Variants in HIP1 observed in about 807,000 individuals in gnomAD.
The protein encoded by HIP1 is huntingtin-interacting protein 1.
In HIP1, 65 loss-of-function variants were observed where a neutral mutation model predicts 147.6. That is an observed-to-expected ratio of 0.44 (90% confidence interval 0.36 to 0.54). The LOEUF (loss-of-function observed/expected upper bound fraction) is 0.54, where lower values mean the gene tolerates loss of function less well. Among genes scored for constraint, HIP1 ranks in the 20% least tolerant of loss-of-function variants. HIP1 has a pLI of 0.00. For synonymous variants in HIP1, 479 were observed against 504.0 expected (o/e 0.95, Z 0.67); for missense variants, 1,061 against 1,299.6 (o/e 0.82, Z 2.82).
At chr7:75,711,605 A>G (rs949771754) in intron 1 of HIP1, among the ~76,000 whole-genome samples, 1 of 152,154 alleles carries the variant, frequency 6.6e-6, no homozygotes, top group Non-Finnish European at 1.5e-5. Flanking sequence ...GCCATCCTAA[A>G]GTTTTTTACT....
intron 30 of HIP1, among the ~76,000 whole-genome samples, chr7:75,539,105 G>A (rs1179903688): frequency 6.6e-6 from 1 of 152,190 alleles, no homozygotes; most frequent in Non-Finnish European, 1.5e-5. Context: ...GTCTTAAAAG[G>A]TGACAACAAA....
chr7:75,702,851 GAAC>G (rs140583892), intron 1 of HIP1, among the ~76,000 whole-genome samples: 12,670 of 152,110 alleles, frequency 0.083, 727 homozygotes, highest in Middle Eastern at 0.16. Context: ...GAAATTTATA[GAAC>G]AACAACTCAC....
intron 1 of HIP1, among the ~76,000 whole-genome samples, chr7:75,715,237 A>C (rs935148820): frequency 1.3e-5 from 2 of 151,734 alleles, no homozygotes; most frequent in African/African-American, 4.8e-5. Flanking sequence ...CAAAAAATTA[A>C]AAACTTCGCT....
At chr7:75,677,882 G>A (rs899687827) in intron 1 of HIP1, among the ~76,000 whole-genome samples, 4 of 151,838 alleles carry the variant, frequency 2.6e-5, no homozygotes, top group African/African-American at 9.7e-5. Context: ...TGCTTGGTTG[G>A]TTCTATCACT....
chr7:75,703,851 T>C (rs1403691747), intron 1 of HIP1, among the ~76,000 whole-genome samples: 16 of 152,188 alleles, frequency 1.1e-4, no homozygotes, highest in African/African-American at 3.9e-4. Context: ...AAATCAGCTC[T>C]AAAGGACCAA....
At chr7:75,674,960 G>A (rs956389834) in intron 1 of HIP1, among the ~76,000 whole-genome samples, 26 of 151,980 alleles carry the variant, frequency 1.7e-4, no homozygotes, top group African/African-American at 5.5e-4. Context: ...TTTCTCAGAT[G>A]TGTGGACTAC....
intron 1 of HIP1, among the ~76,000 whole-genome samples, chr7:75,599,838 CTT>C (rs11322113): frequency 0.19 from 23,028 of 122,430 alleles, 1,410 homozygotes; most frequent in Middle Eastern, 0.27. Flanking sequence ...AAATCGTTAA[CTT>C]TTTTTTTTTT....
At chr7:75,558,086 C>T in intron 15 of HIP1, 81 bp downstream of exon 15, 1 of 1,154,698 alleles carries the variant, frequency 8.7e-7, no homozygotes, top group Non-Finnish European at 1.3e-6. Flanking sequence ...GTTGCTGGCC[C>T]CGGGGAAGCC....
At chr7:75,637,652 C>CCCAA (rs1798472077) in intron 1 of HIP1, among the ~76,000 whole-genome samples, 1 of 149,858 alleles carries the variant, frequency 6.7e-6, no homozygotes, top group African/African-American at 2.5e-5. Context: ...GCACTCACTG[C>CCCAA]CCAACCATGA....
intron 7 of HIP1, among the ~76,000 whole-genome samples, chr7:75,574,568 G>T (rs587633780): frequency 7.0e-6 from 1 of 143,356 alleles, no homozygotes; most frequent in Admixed American, 7.2e-5. Context: ...CAGCCTGGGT[G>T]ACAAGAGTAA....
intron 1 of HIP1, among the ~76,000 whole-genome samples, chr7:75,701,847 T>C (rs557793179): frequency 6.6e-6 from 1 of 152,248 alleles, no homozygotes; most frequent in Non-Finnish European, 1.5e-5. Flanking sequence ...AGTGAGACCC[T>C]ATTGCAACAA....
At position 75,537,043 on chromosome 7, in the gene HIP1, G is replaced by T; in HGVS notation, c.*1129C>A. The stretch of plus-strand genomic sequence containing the variant: ...GCAGACGTCTGCAGAAAGGAGTTGG[G>T]AATCACTCCCACACTCCGTCTCTGG... On this transcript the variant is annotated 3_prime_UTR_variant, in exon 31 of 31. Transcript: ENST00000336926. 4.3e-6 allele frequency: 1 copy of T among 232,532 alleles called. No individual in the cohort carries two copies. 14.4% of individuals were successfully genotyped at this position (232,532 alleles called of 1,614,324 possible).
chr7:75,697,848 A>G (rs1800691199), intron 1 of HIP1, among the ~76,000 whole-genome samples: 2 of 152,206 alleles, frequency 1.3e-5, no homozygotes, highest in South Asian at 2.1e-4. Flanking sequence ...AAAGAATCCT[A>G]TTGGGGTTTT....
At chr7:75,663,882 G>C (rs1321185986) in intron 1 of HIP1, among the ~76,000 whole-genome samples, 1 of 150,108 alleles carries the variant, frequency 6.7e-6, no homozygotes, top group Non-Finnish European at 1.5e-5. Flanking sequence ...ACACAGGGAG[G>C]TGTCAGCCTC....
At chr7:75,582,737 G>A (rs1015341788) in intron 5 of HIP1, among the ~76,000 whole-genome samples, 2 of 152,230 alleles carry the variant, frequency 1.3e-5, no homozygotes, top group African/African-American at 2.4e-5. Context: ...ACGCTGGGAG[G>A]CGGAGGTTGC....
chr7:75,665,942 A>G (rs1799546407), intron 1 of HIP1, among the ~76,000 whole-genome samples: 1 of 152,146 alleles, frequency 6.6e-6, no homozygotes, highest in Non-Finnish European at 1.5e-5. Context: ...AAAACCAACA[A>G]AACAAAACAA....
At chr7:75,688,747 C>G (rs1554517843) in intron 1 of HIP1, among the ~76,000 whole-genome samples, 1 of 152,166 alleles carries the variant, frequency 6.6e-6, no homozygotes, top group Non-Finnish European at 1.5e-5. Flanking sequence ...TGCCCCCCAA[C>G]AGCCAGCTTC....
At chr7:75,562,746 C>T (rs1258172898) in intron 11 of HIP1, among the ~76,000 whole-genome samples, 189 bp downstream of exon 11, 7 of 152,186 alleles carry the variant, frequency 4.6e-5, no homozygotes, top group Non-Finnish European at 1.0e-4. Context: ...AGCTGTGAGC[C>T]ACTGCACCCA....
intron 1 of HIP1, among the ~76,000 whole-genome samples, chr7:75,696,896 G>C (rs1347459830): frequency 6.6e-6 from 1 of 151,580 alleles, no homozygotes; most frequent in African/African-American, 2.4e-5. Context: ...CACTGTGCCA[G>C]GCCCAGTGTT....
Sources: allele counts gnomAD v4.1 joint callset (sites outside exome capture counted in the v4.1 genomes callset), GRCh38; gene constraint gnomAD v4.1.1; transcripts MANE v1.5; gene names NCBI Gene and HGNC (gene_info 2026-07-23, HGNC 2026-07-21).